Variants in ABCC11 observed in about 807,000 individuals in gnomAD.
ABCC11 encodes the protein ATP binding cassette subfamily C member 11.
In ABCC11, 135 loss-of-function variants were observed where a neutral mutation model predicts 149.3. The ratio of observed to expected loss-of-function variants is 0.90; its 90% CI spans 0.79 to 1.04. The LOEUF (loss-of-function observed/expected upper bound fraction) is 1.04, where lower values mean the gene tolerates loss of function less well. ABCC11 is among the 50% of genes least tolerant of loss of function. The pLI is 0.00. For missense variants in ABCC11, 1,680 were observed against 1,722.1 expected (o/e 0.98, Z 0.43); for synonymous variants, 665 against 671.4 (o/e 0.99, Z 0.15).
intron 11 of ABCC11, chr16:48,209,503 G>C (rs937847604): frequency 6.5e-6 from 1 of 153,816 alleles, no homozygotes; most frequent in Admixed American, 6.5e-5. Context: ...AATAAGATTC[G>C]CTCTCCTATG....
In ABCC11 at chr16:48,196,222, G is replaced by C; in HGVS notation, c.2404+10C>G. On this transcript the variant is annotated intron_variant, in intron 18 of 29. Transcript: ENST00000356608. The stretch of plus-strand genomic sequence containing the variant: ...CAAGAGAGAGCCCTGGGCTGGCATG[G>C]GGACCGTACCTCCAGCTGCCTGGAT... The C allele has an allele frequency of 6.2e-7, 1 of 1,613,960 alleles. No individual in the cohort carries two copies. Among genetic ancestry groups the C allele is most frequent in the Non-Finnish European group, 8.5e-7 (1 of 1,179,920 alleles).
intron 10 of ABCC11, 119 bp from the exon 11 acceptor site, chr16:48,211,318 T>C: frequency 7.7e-7 from 1 of 1,305,200 alleles, no homozygotes; most frequent in Non-Finnish European, 1.0e-6. Flanking sequence ...TAATAAGCAG[T>C]AAAAGTTTGC....
chr16:48,212,278 C>CA, intron 10 of ABCC11, among the ~76,000 whole-genome samples: 1 of 152,244 alleles, frequency 6.6e-6, no homozygotes, highest in East Asian at 1.9e-4. Flanking sequence ...CCTTCCCTAA[C>CA]CAGGCTCTTC....
At chr16:48,196,449 G>A (rs1596729606) in intron 17 of ABCC11, 128 bp from the exon 18 acceptor site, 2 of 821,346 alleles carry the variant, frequency 2.4e-6, no homozygotes, top group East Asian at 5.5e-5. Flanking sequence ...CTATGTCTAA[G>A]GTTTTTCATG....
intron 20 of ABCC11, among the ~76,000 whole-genome samples, chr16:48,190,776 A>T (rs532123276): frequency 6.6e-6 from 1 of 152,202 alleles, no homozygotes; most frequent in Non-Finnish European, 1.5e-5. Flanking sequence ...ACTCAGGGCA[A>T]TCATAAGCAA....
intron 26 of ABCC11, among the ~76,000 whole-genome samples, chr16:48,173,559 CAT>C (rs1200148538): frequency 2.6e-5 from 4 of 152,198 alleles, no homozygotes; most frequent in African/African-American, 9.7e-5. Flanking sequence ...TCTACTGTAA[CAT>C]AGAAATCTAT....
chr16:48,244,364 G>A lies in ABCC11; in HGVS notation c.-19+2950C>T, dbSNP rs774550050. 8.7e-6 allele frequency: 13 copies of A among 1,494,484 alleles called. No individual in the cohort carries two copies. The Admixed American group carries it at 1.0e-4, about 12-fold the overall frequency. 92.6% of individuals were successfully genotyped at this position (1,494,484 alleles called of 1,614,324 possible). ...GCTGTCTGTCTGGCTCTTTTTGACA[G>A]CCCCCAGTGCGAAAGGCTGCCAGCA... On this transcript the variant is annotated intron_variant, in intron 1 of 29. Transcript: ENST00000356608.
intron 18 of ABCC11, among the ~76,000 whole-genome samples, chr16:48,194,466 T>C (rs760643417): frequency 2.6e-5 from 4 of 152,232 alleles, no homozygotes; most frequent in Non-Finnish European, 5.9e-5. Flanking sequence ...ATGTATGCAT[T>C]ATTTCTGAAT....
At position 48,170,912 on chromosome 16, in the gene ABCC11, C is replaced by G. The variant is rs746109310; in HGVS notation, c.3754G>C (p.Glu1252Gln). The change falls in exon 27 of 30, where the codon GAG (glutamate) becomes CAG (glutamine). Residue 1252 changes from glutamate (E) to glutamine (Q), a missense_variant. By Grantham distance (29) the Glu-to-Gln change is conservative. Coordinates refer to ENST00000356608, the MANE Select transcript of ABCC11 (RefSeq NM_001370497.1). ...ACGGCCTTGGTCAGGAATGTCCTCT[C>G]CAAGGCATCCCAGATCTGCTGGTCA... The part of the protein sequence containing the change: ...HTDQQIWDAL[E>Q]RTFLTKAISK... The G allele has an allele frequency of 5.1e-5, 82 of 1,613,914 alleles. No individual in the cohort carries two copies. The highest frequency in any genetic ancestry group is 6.8e-5 in the Non-Finnish European group (80 of 1,179,908).
intron 24 of ABCC11, among the ~76,000 whole-genome samples, 159 bp from the exon 25 acceptor site, chr16:48,177,272 G>A (rs1054843158): frequency 6.6e-6 from 1 of 152,206 alleles, no homozygotes; most frequent in African/African-American, 2.4e-5. Context: ...AACATCGCCC[G>A]TGCCCCCATC....
At chr16:48,171,675 A>T (rs1469723166) in intron 26 of ABCC11, among the ~76,000 whole-genome samples, 1 of 152,216 alleles carries the variant, frequency 6.6e-6, no homozygotes. Flanking sequence ...AACCTTTTTC[A>T]TCATCCTGCT....
chr16:48,196,210 T>C (rs760802968), intron 18 of ABCC11, 22 bp downstream of exon 18: 2 of 1,613,266 alleles, frequency 1.2e-6, no homozygotes, highest in Non-Finnish European at 1.7e-6. Flanking sequence ...GAGAGAGCCC[T>C]GGGCTGGCAT....
chr16:48,215,971 A>G, intron 7 of ABCC11, 143 bp downstream of exon 7: 4 of 869,938 alleles, frequency 4.6e-6, no homozygotes, highest in Non-Finnish European at 7.1e-6. Flanking sequence ...GAATAGTTTG[A>G]AGTAGGGAGT....
intron 4 of ABCC11, 110 bp downstream of exon 4, chr16:48,227,696 C>A (rs574781193): frequency 1.1e-5 from 16 of 1,432,236 alleles, no homozygotes; most frequent in Non-Finnish European, 1.3e-5. Flanking sequence ...ACAGGAAGAG[C>A]CAAGTCGTCT....
rs1369625558 is a variant in ABCC11 at position 48,200,464 on chromosome 16, G to A, written c.1894C>T (p.Leu632Phe). 6.2e-7 allele frequency: 1 copy of A among 1,614,088 alleles called. No individual in the cohort carries two copies. Among genetic ancestry groups the A allele is most frequent in the South Asian group, 1.1e-5 (1 of 91,066 alleles). Residue 632 changes from leucine to phenylalanine, a missense_variant, in exon 15 of 30, where the codon CTC becomes TTC. Physicochemically the swap from Leu to Phe is conservative, Grantham distance 22. Transcript: ENST00000356608. Reference protein sequence around the residue: ...GDMTEIGERGLNLSGGQKQRI... With the variant: ...GDMTEIGERGFNLSGGQKQRI... Reference sequence around the variant, plus strand: ...TGTTTCTGCCCCCCAGAGAGGTTGAGGCCCCGCTCTCCAATCTGCAGACAG... The same window carrying A: ...TGTTTCTGCCCCCCAGAGAGGTTGAAGCCCCGCTCTCCAATCTGCAGACAG...
At chr16:48,204,850 G>A (rs1398467253) in intron 13 of ABCC11, among the ~76,000 whole-genome samples, 1 of 152,152 alleles carries the variant, frequency 6.6e-6, no homozygotes, top group Non-Finnish European at 1.5e-5. Flanking sequence ...GTCTTGGGCA[G>A]GTTAACCCGA....
At chr16:48,200,203 A>C (rs1053954381) in intron 15 of ABCC11, 73 bp downstream of exon 15, 2 of 1,477,504 alleles carry the variant, frequency 1.4e-6, no homozygotes, top group Non-Finnish European at 1.9e-6. Flanking sequence ...ATTGAATCAC[A>C]CTCTGAAATG....
chr16:48,207,637 T>C (rs8046814), intron 12 of ABCC11, among the ~76,000 whole-genome samples: 25,704 of 149,672 alleles, frequency 0.17, 2,384 homozygotes, highest in Middle Eastern at 0.28. Context: ...ATTGCACTCC[T>C]GACTGGATGT....
chr16:48,238,376 T>C (rs1251733865), intron 1 of ABCC11, among the ~76,000 whole-genome samples: 1 of 151,980 alleles, frequency 6.6e-6, no homozygotes, highest in East Asian at 1.9e-4. Flanking sequence ...TGCTTGAGAG[T>C]AGGACCTTGT....
Sources: gnomAD v4.1 joint callset for allele counts (sites outside exome capture counted in the v4.1 genomes callset) on GRCh38, gnomAD v4.1.1 for gene constraint, MANE v1.5 for transcripts, NCBI Gene and HGNC (gene_info 2026-07-23, HGNC 2026-07-21) for gene names.